DAP3: variants seen among roughly 807,000 people sequenced by gnomAD.
DAP3 encodes small ribosomal subunit protein mS29.
A neutral mutation model predicts 51.9 loss-of-function variants in DAP3; 28 were observed. That is an observed-to-expected ratio of 0.54 (90% CI 0.40 to 0.74). The LOEUF (loss-of-function observed/expected upper bound fraction) is 0.74. DAP3 is among the 30% of genes least tolerant of loss of function. The probability of loss-of-function intolerance (pLI) is 0.00; values close to 1 mark genes in which losing one functional copy is unlikely to be tolerated. For synonymous variants in DAP3, 170 were observed against 170.3 expected, an observed-to-expected ratio of 1.00 and a Z score of 0.01; for missense variants, 458 against 483.5, an observed-to-expected ratio of 0.95 and a Z score of 0.49.
upstream of DAP3, chr1:155,688,594 C>T (rs891961492): frequency 5.9e-6 from 9 of 1,536,124 alleles, no homozygotes; most frequent in African/African-American, 1.1e-4. Flanking sequence ...GGAACCTCCT[C>T]GCCCAGTTCT....
chr1:155,695,737 T>G lies in DAP3; in HGVS notation c.-8+6563T>G, dbSNP rs572792536. 3.9e-5 allele frequency among the ~76,000 whole-genome samples: 6 copies of G among 152,356 alleles called. No homozygotes were observed. The East Asian group carries it at 1.2e-3, about 29-fold the overall frequency. The stretch of plus-strand genomic sequence containing the variant: ...TATTAACTGGCTGATTAAAATCTTC[T>G]AATACTGCAATCATTGCCTGTAATT... On this transcript the variant is annotated intron_variant, in intron 1 of 12. Coordinates refer to ENST00000368336, the MANE Select transcript of DAP3 (RefSeq NM_004632.4).
At position 155,738,998 on chromosome 1, in the gene DAP3, A is replaced by AATAAATAC. The variant is rs1444940688; in HGVS notation, c.*763_*764insCATAAATA. ...AAATAAATAAATAAATAAATAAATA[A>AATAAATAC]ATAAATAATAAATGTATACTGTACT... is the stretch of plus-strand genomic sequence containing the variant. On this transcript the variant is annotated 3_prime_UTR_variant, in exon 13 of 13. Coordinates refer to ENST00000368336, the MANE Select transcript of DAP3 (RefSeq NM_004632.4). 1 of 151,500 alleles carries AATAAATAC rather than the reference A, an allele frequency of 6.6e-6. No individual in the cohort carries two copies. Among genetic ancestry groups the AATAAATAC allele is most frequent in the African/African-American group, 2.4e-5 (1 of 41,240 alleles). The allele number at this position is 151,500 out of a possible 1,614,324, so 9.4% of individuals were successfully genotyped here. A position where few individuals can be genotyped will look rare whatever the true frequency, so the allele number is the denominator to read the frequency against.
At chr1:155,728,961 C>T in intron 7 of DAP3, 81 bp from the exon 8 acceptor site, 2 of 1,411,336 alleles carry the variant, frequency 1.4e-6, no homozygotes, top group Non-Finnish European at 2.0e-6. Context: ...TAACCTTAGC[C>T]TCCAACCTTT....
chr1:155,688,102 G>A, upstream of DAP3: 1 of 1,608,624 alleles, frequency 6.2e-7, no homozygotes, highest in South Asian at 1.1e-5. Flanking sequence ...TGAGAGTACA[G>A]GGAAGTGAGG....
Position 155,725,580 on chromosome 1 carries a change from A to T in DAP3, c.379+90A>T, listed in dbSNP as rs1014686164. ...GAAGAAATGAAAAAAAGTACTGTTG[A>T]GGCCGGGCATGGTAGCTCACACCTA... On this transcript the variant is annotated intron_variant, in intron 5 of 12. Coordinates refer to ENST00000368336, the MANE Select transcript of DAP3 (RefSeq NM_004632.4). 5 of 1,256,404 alleles carry T rather than the reference A, an allele frequency of 4.0e-6. No homozygotes were observed. The African/African-American group carries it at 7.4e-5, about 19-fold the overall frequency. The allele number at this position is 1,256,404 out of a possible 1,614,324, so 77.8% of individuals were successfully genotyped here.
chr1:155,715,442 G>C (rs913627025), intron 2 of DAP3, among the ~76,000 whole-genome samples: 1 of 151,056 alleles, frequency 6.6e-6, no homozygotes, highest in African/African-American at 2.4e-5. Context: ...GCATGGCTTG[G>C]GCCTGGGAGT....
chr1:155,690,058 C>T (rs79219887), intron 1 of DAP3, among the ~76,000 whole-genome samples: 1,898 of 142,682 alleles, frequency 0.013, 70 homozygotes, highest in Non-Finnish European at 0.019. Flanking sequence ...TGTTCTGTCC[C>T]TCCAAGTCGT....
rs555991092 is a variant in DAP3, at chr1:155,689,146, T to TA, written c.-35dup. ...CCCCAGGCAGCGTGTGTCGGTCGCC[T>TA]AGTCTGGAGAACTAGTCCTCGACTC... On this transcript the variant is annotated 5_prime_UTR_variant, in exon 1 of 13. Transcript: ENST00000368336. 127 of 858,732 alleles carry TA rather than the reference T, an allele frequency of 1.5e-4. No homozygotes were observed. In the African/African-American group the frequency reaches 1.9e-3, roughly 13 times the overall value. 53.2% of individuals were successfully genotyped at this position (858,732 alleles called of 1,614,324 possible).
Position 155,736,985 on chromosome 1 carries a change from G to T in DAP3, c.1033G>T (p.Val345Phe), listed in dbSNP as rs41264967. The change falls in exon 12 of 13, where the codon GTT (valine) becomes TTT (phenylalanine). Residue 345 changes from valine to phenylalanine, a missense_variant. Physicochemically the swap from Val to Phe is conservative, Grantham distance 50. Transcript: ENST00000368336. ...DALDPFIPIL[V>F]SNYNPKEFES... is the part of the protein sequence containing the mutation. The stretch of plus-strand genomic sequence containing the variant: ...CCTGGATCCCTTTATTCCCATCCTG[G>T]TTTCCAACTATAACCCAAAGGAATT... 6.2e-7 allele frequency: 1 copy of T among 1,613,860 alleles called. No individual in the cohort carries two copies. Among genetic ancestry groups the T allele is most frequent in the African/African-American group, 1.3e-5 (1 of 74,876 alleles).
chr1:155,736,116 G>C (rs1309911942), intron 11 of DAP3, among the ~76,000 whole-genome samples: 1 of 151,870 alleles, frequency 6.6e-6, no homozygotes. Context: ...TGGGATTACA[G>C]GCATGAGCCA....
At chr1:155,715,676 T>G (rs1334987658) in intron 2 of DAP3, among the ~76,000 whole-genome samples, 1 of 152,210 alleles carries the variant, frequency 6.6e-6, no homozygotes, top group Non-Finnish European at 1.5e-5. Context: ...TTCCCTAATC[T>G]TTTCCTCATA....
At chr1:155,737,363 T>A (rs1221602290) in intron 12 of DAP3, among the ~76,000 whole-genome samples, 2 of 152,244 alleles carry the variant, frequency 1.3e-5, no homozygotes, top group Non-Finnish European at 2.9e-5. Flanking sequence ...TTATTGAATT[T>A]ATTTATTCAA....
chr1:155,727,718 A>C lies in DAP3; in HGVS notation c.583A>C (p.Asn195His). 1 of 1,613,496 alleles carries C rather than the reference A, an allele frequency of 6.2e-7. No individual in the cohort carries two copies. Among genetic ancestry groups the C allele is most frequent in the Non-Finnish European group, 8.5e-7 (1 of 1,179,714 alleles). Residue 195 changes from asparagine to histidine, a missense_variant, in exon 7 of 13, where the codon AAT (asparagine) becomes CAT (histidine). Asn to His is a moderately conservative substitution (Grantham distance 68, BLOSUM62 1). Transcript: ENST00000368336. Reference protein sequence around the residue: ...STWLKNFKTTNERFLNQIKVQ... With the variant: ...STWLKNFKTTHERFLNQIKVQ... ...CTGGCTGAAGAATTTCAAAACTACA[A>C]ATGAGCGCTTCCTGAACCAGGTGAC...
chr1:155,721,371 T>C (rs1207070488), intron 3 of DAP3, 146 bp from the exon 4 acceptor site: 1 of 362,974 alleles, frequency 2.8e-6, no homozygotes, highest in Non-Finnish European at 4.9e-6. Flanking sequence ...TATATATATG[T>C]ATGTATGTGT....
At chr1:155,692,851 A>G in intron 1 of DAP3, among the ~76,000 whole-genome samples, 1 of 141,978 alleles carries the variant, frequency 7.0e-6, no homozygotes, top group East Asian at 1.9e-4. Context: ...AAGATCATTT[A>G]TTTGATTTGC....
chr1:155,728,031 A>G (rs1243688740), intron 7 of DAP3, among the ~76,000 whole-genome samples: 1 of 151,976 alleles, frequency 6.6e-6, no homozygotes, highest in African/African-American at 2.4e-5. Flanking sequence ...ATTTCCAACT[A>G]CATGATTTTC....
chr1:155,688,676 C>A (rs1420379040), upstream of DAP3: 1 of 1,532,194 alleles, frequency 6.5e-7, no homozygotes, highest in Non-Finnish European at 8.7e-7. Flanking sequence ...GGCGCGAGCC[C>A]AAGCCTTCTC....
intron 1 of DAP3, among the ~76,000 whole-genome samples, chr1:155,699,874 C>G (rs535494864): frequency 8.5e-5 from 13 of 152,172 alleles, no homozygotes; most frequent in Non-Finnish European, 1.5e-4. Flanking sequence ...TCTCAGCCTC[C>G]CGAAGTGTGA....
At chr1:155,707,171 T>C (rs1056899115) in intron 1 of DAP3, among the ~76,000 whole-genome samples, 4 of 151,600 alleles carry the variant, frequency 2.6e-5, no homozygotes, top group African/African-American at 9.7e-5. Context: ...CCCAGCACTT[T>C]GGGAGGCTGA....
Sources: allele counts gnomAD v4.1 joint callset (sites outside exome capture counted in the v4.1 genomes callset), GRCh38; gene constraint gnomAD v4.1.1; transcripts MANE v1.5; gene names NCBI Gene and HGNC (gene_info 2026-07-23, HGNC 2026-07-21).